Variants in MYRIP observed in about 807,000 individuals in gnomAD.
MYRIP encodes rab effector MyRIP.
In MYRIP, 49 loss-of-function variants were observed where a neutral mutation model predicts 98.0. The ratio of observed to expected loss-of-function variants is 0.50; its 90% confidence interval spans 0.40 to 0.63. The LOEUF (loss-of-function observed/expected upper bound fraction) is 0.63. Ranked by LOEUF, MYRIP falls within the 30% of genes least tolerant of loss-of-function variation. The probability of loss-of-function intolerance (pLI) is 0.00; values close to 1 mark genes in which losing one functional copy is unlikely to be tolerated. For missense variants in MYRIP, 1,004 were observed against 1,058.2 expected, an observed-to-expected ratio of 0.95 and a Z score of 0.71; for synonymous variants, 404 against 409.5, an observed-to-expected ratio of 0.99 and a Z score of 0.16.
At position 40,162,738 on chromosome 3, in the gene MYRIP, C is replaced by T; in HGVS notation, c.478C>T (p.Leu160Phe). Reference protein sequence around the residue: ...GACFDILGGSLFESNLENEGS... With the variant: ...GACFDILGGSFFESNLENEGS... ...CACCCCTACCCTGCCAGGAGGAAGCCTTTTTGAGTCAAACCTGGAGAATGA... is the reference window on the plus strand; with the variant it reads ...CACCCCTACCCTGCCAGGAGGAAGCTTTTTTGAGTCAAACCTGGAGAATGA... The change falls in exon 5 of 17, where the codon CTT becomes TTT. Residue 160 changes from leucine to phenylalanine, a missense_variant. Around this residue, in one of 3 missense-constraint regions of MYRIP, gnomAD observed 880 missense variants for 907.7 expected, o/e 0.97. Coordinates refer to ENST00000302541, the MANE Select transcript of MYRIP (RefSeq NM_015460.4). 6.2e-7 allele frequency: 1 copy of T among 1,613,988 alleles called. No individual in the cohort carries two copies. The highest frequency in any genetic ancestry group is 8.5e-7 in the Non-Finnish European group (1 of 1,179,898).
chr3:40,126,024 G>C (rs1003815553), intron 3 of MYRIP, among the ~76,000 whole-genome samples: 3 of 152,204 alleles, frequency 2.0e-5, no homozygotes, highest in Non-Finnish European at 4.4e-5. Flanking sequence ...CCTTCATGCT[G>C]TCAGGGCTGA....
chr3:39,987,442 A>G (rs1290568733), intron 2 of MYRIP, among the ~76,000 whole-genome samples: 1 of 152,182 alleles, frequency 6.6e-6, no homozygotes, highest in Non-Finnish European at 1.5e-5. Context: ...TGTCTTTGCT[A>G]TAGTAAATAG....
intron 2 of MYRIP, among the ~76,000 whole-genome samples, chr3:39,979,780 A>G (rs888634791): frequency 6.6e-6 from 1 of 152,158 alleles, no homozygotes; most frequent in Admixed American, 6.6e-5. Flanking sequence ...TTAATAGGTG[A>G]TTTTAAAATG....
At chr3:39,838,966 AT>A (rs202075949) in intron 1 of MYRIP, among the ~76,000 whole-genome samples, 1,678 of 151,462 alleles carry the variant, frequency 0.011, 33 homozygotes, top group African/African-American at 0.039. Flanking sequence ...GAATTTATCC[AT>A]TTTTTTTCTA....
chr3:40,021,738 G>A (rs1947004432), intron 2 of MYRIP, among the ~76,000 whole-genome samples: 2 of 152,160 alleles, frequency 1.3e-5, no homozygotes, highest in East Asian at 3.9e-4. Flanking sequence ...CTCAGCCAAA[G>A]GCTTGAACTT....
chr3:40,162,889 CCCCCAGATGCATTGTTA>C, intron 5 of MYRIP, 79 bp downstream of exon 5: 1 of 1,308,200 alleles, frequency 7.6e-7, no homozygotes, highest in Non-Finnish European at 1.1e-6. Flanking sequence ...CTGCCAGGGT[CCCCCAGATGCATTGTTA>C]CCCCAGATGC....
chr3:39,907,194 G>A (rs1943899561), intron 2 of MYRIP, among the ~76,000 whole-genome samples: 1 of 152,140 alleles, frequency 6.6e-6, no homozygotes. Flanking sequence ...GTATCTGGCA[G>A]ACAAAATTTT....
intron 2 of MYRIP, among the ~76,000 whole-genome samples, chr3:40,031,709 A>G (rs1947264673): frequency 6.6e-6 from 1 of 152,158 alleles, no homozygotes; most frequent in African/African-American, 2.4e-5. Flanking sequence ...TTCCTGGTTT[A>G]GTCTTGGGAG....
rs574397483 is a variant in MYRIP at position 39,838,554 on chromosome 3, G to C, written c.-31+28638G>C. 4.5e-4 allele frequency among the ~76,000 whole-genome samples: 68 copies of C among 152,300 alleles called. No homozygotes were observed. In the South Asian group the frequency reaches 0.014, roughly 31 times the overall value. On this transcript the variant is annotated intron_variant, in intron 1 of 16. Coordinates refer to ENST00000302541, the MANE Select transcript of MYRIP (RefSeq NM_015460.4). ...TGAACCAGCCTTGCATCCCAGGGATGAAGCTGACTTGATCTTGGTGGATAA... is the reference window on the plus strand; with the variant it reads ...TGAACCAGCCTTGCATCCCAGGGATCAAGCTGACTTGATCTTGGTGGATAA...
At chr3:40,061,283 G>T (rs564670516) in intron 3 of MYRIP, among the ~76,000 whole-genome samples, 1 of 152,228 alleles carries the variant, frequency 6.6e-6, no homozygotes, top group Non-Finnish European at 1.5e-5. Context: ...CCTTCCTCGT[G>T]TTCATGAGTT....
chr3:40,188,548 C>T (rs536730058), intron 9 of MYRIP, among the ~76,000 whole-genome samples: 2 of 151,620 alleles, frequency 1.3e-5, no homozygotes, highest in Admixed American at 6.6e-5. Context: ...GAGGCTGAGG[C>T]GGGTGGATCA....
intron 1 of MYRIP, among the ~76,000 whole-genome samples, chr3:39,881,082 T>C (rs545305522): frequency 3.9e-5 from 6 of 152,236 alleles, no homozygotes; most frequent in African/African-American, 1.4e-4. Context: ...CTTCCATAAG[T>C]TTATTCTTGT....
At position 40,212,206 on chromosome 3, in the gene MYRIP, G is replaced by A. The variant is rs1205499176; in HGVS notation, c.1905+2113G>A. Among the ~76,000 whole-genome samples the A allele has an allele frequency of 2.4e-3, 80 of 32,938 alleles. 10 individuals carry two copies. The highest frequency in any genetic ancestry group is 5.7e-3 in the African/African-American group (79 of 13,890). The allele number at this position is 32,938 out of a possible 152,430, so 21.6% of individuals were successfully genotyped here. A position where few individuals can be genotyped will look rare whatever the true frequency, so the allele number is the denominator to read the frequency against. On this transcript the variant is annotated intron_variant, in intron 11 of 16. Coordinates refer to ENST00000302541, the MANE Select transcript of MYRIP (RefSeq NM_015460.4). ...TGTATGTGTATATACATATATATACGTGTGTGTATATATATATATACACAC... is the reference window on the plus strand; with the variant it reads ...TGTATGTGTATATACATATATATACATGTGTGTATATATATATATACACAC...
intron 2 of MYRIP, among the ~76,000 whole-genome samples, chr3:39,985,719 A>C (rs1179135944): frequency 5.3e-5 from 8 of 151,718 alleles, no homozygotes; most frequent in African/African-American, 1.5e-4. Context: ...AGGATTCCCT[A>C]TTTAATAAAT....
chr3:40,040,616 TG>T (rs1272154937), intron 2 of MYRIP, among the ~76,000 whole-genome samples: 6 of 65,576 alleles, frequency 9.1e-5, no homozygotes, highest in Non-Finnish European at 1.7e-4. Flanking sequence ...TAAGAAAATG[TG>T]GCACATATAC....
chr3:39,846,688 C>A (rs908534041), intron 1 of MYRIP, among the ~76,000 whole-genome samples: 2 of 152,158 alleles, frequency 1.3e-5, no homozygotes, highest in Non-Finnish European at 2.9e-5. Flanking sequence ...AAATCCTTTC[C>A]TCTAATTCTG....
chr3:39,925,201 C>T (rs181657025), intron 2 of MYRIP, among the ~76,000 whole-genome samples: 3 of 151,234 alleles, frequency 2.0e-5, no homozygotes, highest in African/African-American at 7.3e-5. Context: ...AAATCTTCAG[C>T]AAGACTCACA....
rs370636029 is a variant in MYRIP at position 40,039,196 on chromosome 3, A to G, written c.111-4854A>G. ...TGAACTGAAAAGAAGGGATTTGTCC[A>G]TGCTTGAGGAAAGTTGGGGTGGAGA... On this transcript the variant is annotated intron_variant, in intron 2 of 16. Coordinates refer to ENST00000302541, the MANE Select transcript of MYRIP (RefSeq NM_015460.4). Among the ~76,000 whole-genome samples the G allele has an allele frequency of 1.3e-3, 202 of 152,274 alleles. 3 individuals are homozygous for G. The South Asian group carries it at 0.04, about 30-fold the overall frequency.
intron 1 of MYRIP, among the ~76,000 whole-genome samples, chr3:39,817,614 C>G (rs892344179): frequency 2.0e-5 from 3 of 151,962 alleles, no homozygotes; most frequent in African/African-American, 7.3e-5. Context: ...AAGATAAAAT[C>G]AATATAAAAT....
Sources: allele counts gnomAD v4.1 joint callset (sites outside exome capture counted in the v4.1 genomes callset), GRCh38; gene constraint gnomAD v4.1.1; regional missense constraint gnomAD v4.1.1; transcripts MANE v1.5; gene names NCBI Gene and HGNC (gene_info 2026-07-23, HGNC 2026-07-21).